Variants in PPARD observed in about 807,000 individuals in gnomAD.
The protein encoded by PPARD is peroxisome proliferator-activated receptor delta.
In PPARD, 6 loss-of-function variants were observed where a neutral mutation model predicts 39.5. The ratio of observed to expected loss-of-function variants is 0.15; its 90% confidence interval spans 0.08 to 0.30. PPARD has a LOEUF of 0.30. Ranked by LOEUF, PPARD falls within the 10% of genes least tolerant of loss-of-function variation. The probability of loss-of-function intolerance (pLI) is 1.00; values close to 1 mark genes in which losing one functional copy is unlikely to be tolerated. For missense variants in PPARD, 397 were observed against 596.8 expected (o/e 0.67, Z 3.49); for synonymous variants, 210 against 231.3 (o/e 0.91, Z 0.83).
intron 2 of PPARD, among the ~76,000 whole-genome samples, chr6:35,392,272 GT>G (rs1245207222): frequency 2.0e-5 from 3 of 152,216 alleles, no homozygotes; most frequent in African/African-American, 7.2e-5. Flanking sequence ...AAGTGAAGCA[GT>G]TTGCCCAAAG....
chr6:35,424,979 G>A lies in PPARD; in HGVS notation c.1078+200G>A. Reference sequence around the variant, plus strand: ...ATGTACGTAGATAGAGGTGGAGACAGGAAAAAGACTAAGCCAGACGTGGTG... The same window carrying A: ...ATGTACGTAGATAGAGGTGGAGACAAGAAAAAGACTAAGCCAGACGTGGTG... On this transcript the variant is annotated intron_variant, in intron 7 of 7. Coordinates refer to ENST00000360694, the MANE Select transcript of PPARD (RefSeq NM_006238.5). This position sits in a 1 kb window ranked among gnomAD's most constrained non-coding sequence, Gnocchi z 7.1. 1 of 1,420,560 alleles carries A rather than the reference G, an allele frequency of 7.0e-7. No homozygotes were observed. Among genetic ancestry groups the A allele is most frequent in the East Asian group, 2.5e-5 (1 of 39,394 alleles). The allele number at this position is 1,420,560 out of a possible 1,614,324, so 88.0% of individuals were successfully genotyped here.
Position 35,412,537 on chromosome 6 carries a change from C to T in PPARD, c.130+1320C>T, listed in dbSNP as rs9658145. 1.2e-4 allele frequency among the ~76,000 whole-genome samples: 18 copies of T among 152,294 alleles called. No homozygotes were observed. The highest frequency in any genetic ancestry group is 1.9e-4 in the East Asian group (1 of 5,178). ...GGCAGGGTGAAGGCTGTGGAGGTAG[C>T]GCAGGCTCCTGTTTGGGTCTGCAGC... On this transcript the variant is annotated intron_variant, in intron 3 of 7. Transcript: ENST00000360694. The surrounding 1 kb of genome is among the most constrained non-coding windows in gnomAD (Gnocchi z 4.1).
At position 35,424,630 on chromosome 6, in the gene PPARD, G is replaced by A. The variant is rs1045614386; in HGVS notation, c.929G>A (p.Gly310Asp). 1 of 1,614,248 alleles carries A rather than the reference G, an allele frequency of 6.2e-7. No individual in the cohort carries two copies. Among genetic ancestry groups the A allele is most frequent in the Admixed American group, 1.7e-5 (1 of 60,026 alleles). The change falls in exon 7 of 8, where the codon GGC becomes GAC. Residue 310 changes from glycine (G) to aspartate (D), a missense_variant. Transcript: ENST00000360694. This position sits in a 1 kb window ranked among gnomAD's most constrained non-coding sequence, Gnocchi z 7.1. The part of the protein sequence containing the change: ...KDGLLVANGS[G>D]FVTREFLRSL... ...GGGCTGCTGGTAGCCAACGGCAGTG[G>A]CTTTGTCACCCGTGAGTTCCTGCGC...
intron 1 of PPARD, among the ~76,000 whole-genome samples, chr6:35,344,309 G>A (rs1390129369): frequency 2.6e-5 from 4 of 152,060 alleles, no homozygotes; most frequent in Non-Finnish European, 5.9e-5. Context: ...CCCAGGCATA[G>A]TATGAGGTAT....
chr6:35,358,184 A>G (rs1761729420), intron 2 of PPARD, among the ~76,000 whole-genome samples: 1 of 152,222 alleles, frequency 6.6e-6, no homozygotes, highest in Non-Finnish European at 1.5e-5. Context: ...GAGATTGGAC[A>G]CAGGAGAAGG....
intron 2 of PPARD, chr6:35,397,598 G>A (rs188426999): frequency 1.4e-4 from 137 of 973,584 alleles, no homozygotes; most frequent in African/African-American, 1.9e-4. Context: ...TTCAAGGTGC[G>A]TGGTGAACAG....
chr6:35,347,049 G>A lies in PPARD; in HGVS notation c.-185-18G>A, dbSNP rs757888128. On this transcript the variant is annotated intron_variant, in intron 1 of 7. Transcript: ENST00000360694. ...GCACCTGTCAGCTAAAGCTGTTGGG[G>A]TTTTTTCTATCCTGCAGTGTTGTAC... 4 of 1,498,250 alleles carry A rather than the reference G, an allele frequency of 2.7e-6. No individual in the cohort carries two copies. Among genetic ancestry groups the A allele is most frequent in the Admixed American group, 4.1e-5 (2 of 48,556 alleles). The allele number at this position is 1,498,250 out of a possible 1,614,324, so 92.8% of individuals were successfully genotyped here.
intron 2 of PPARD, among the ~76,000 whole-genome samples, chr6:35,403,202 A>G (rs1764814290): frequency 6.6e-6 from 1 of 152,226 alleles, no homozygotes; most frequent in Non-Finnish European, 1.5e-5. Flanking sequence ...GAATATCACC[A>G]TACAATCCCT....
At chr6:35,380,464 T>TTTTTTTG in intron 2 of PPARD, among the ~76,000 whole-genome samples, 5 of 115,352 alleles carry the variant, frequency 4.3e-5, no homozygotes, top group Non-Finnish European at 4.8e-5. Context: ...CTCGTGTTTT[T>TTTTTTTG]TTTTTTTGTT....
intron 2 of PPARD, among the ~76,000 whole-genome samples, chr6:35,350,704 C>T (rs551602364): frequency 3.3e-4 from 45 of 137,916 alleles, no homozygotes; most frequent in Non-Finnish European, 5.9e-4. Context: ...TGGCTCACTG[C>T]AGCCTCTGCC....
intron 2 of PPARD, among the ~76,000 whole-genome samples, chr6:35,380,476 G>GTTTTTTTTTTTT (rs71002557): frequency 1.5e-4 from 10 of 67,102 alleles, no homozygotes; most frequent in Non-Finnish European, 2.0e-4. Context: ...TTTTTTGTTT[G>GTTTTTTTTTTTT]TTTTTTTTTT....
At chr6:35,392,710 C>T (rs975652041) in intron 2 of PPARD, among the ~76,000 whole-genome samples, 2 of 152,082 alleles carry the variant, frequency 1.3e-5, no homozygotes, top group East Asian at 1.9e-4. Context: ...GAGGAGGCAG[C>T]GAGAAAGGAG....
chr6:35,348,316 A>G (rs1334723170), intron 2 of PPARD: 4 of 980,998 alleles, frequency 4.1e-6, no homozygotes, highest in Non-Finnish European at 4.8e-6. Flanking sequence ...GCTGGTATAT[A>G]TGAGAGCTGG....
intron 5 of PPARD, 144 bp downstream of exon 5, chr6:35,422,102 G>A (rs1766209815): frequency 3.8e-6 from 4 of 1,066,224 alleles, no homozygotes. Context: ...TTGGCTGTTG[G>A]CTTTGCTGAT....
At chr6:35,415,151 C>T (rs1283174200) in intron 3 of PPARD, among the ~76,000 whole-genome samples, 1 of 152,208 alleles carries the variant, frequency 6.6e-6, no homozygotes, top group Non-Finnish European at 1.5e-5. Flanking sequence ...ACTTGGTGGG[C>T]ATCAGGCTGG....
intron 2 of PPARD, chr6:35,348,468 C>T (rs1761023267): frequency 2.0e-6 from 2 of 985,270 alleles, no homozygotes; most frequent in Non-Finnish European, 2.4e-6. Context: ...AGAAGTGGAG[C>T]TCCAGGGAAT....
chr6:35,359,286 C>G (rs540500719), intron 2 of PPARD, among the ~76,000 whole-genome samples: 106 of 152,326 alleles, frequency 7.0e-4, no homozygotes, highest in African/African-American at 2.5e-3. Flanking sequence ...CTCTCCTCCC[C>G]CTCACACCAC....
rs1433222871 is a variant in PPARD, at chr6:35,396,503, C to T, written c.-101-14484C>T. Among the ~76,000 whole-genome samples, 5 of 145,608 alleles carry T rather than the reference C, an allele frequency of 3.4e-5. No homozygotes were observed. The East Asian group carries it at 6.1e-4, about 18-fold the overall frequency. On this transcript the variant is annotated intron_variant, in intron 2 of 7. Transcript: ENST00000360694. ...ACAGGCGTGAGCCACCGCGCCTAGC[C>T]CTATTTCTTCTTCTTTAAATTGTTT...
intron 2 of PPARD, among the ~76,000 whole-genome samples, chr6:35,370,404 T>G (rs1762421011): frequency 6.6e-6 from 1 of 152,186 alleles, no homozygotes. Context: ...AAGATACTGG[T>G]TATGGCTGCT....
Sources: gnomAD v4.1 joint callset for allele counts (sites outside exome capture counted in the v4.1 genomes callset) on GRCh38, gnomAD v4.1.1 for gene constraint, Gnocchi (gnomAD v3.1) non-coding constraint, MANE v1.5 for transcripts, NCBI Gene and HGNC (gene_info 2026-07-23, HGNC 2026-07-21) for gene names.